The following LRMDA variants were observed in gnomAD, a reference collection of about 807,000 sequenced individuals.
LRMDA encodes the protein leucine rich melanocyte differentiation associated.
In LRMDA, 18 loss-of-function variants were observed where a neutral mutation model predicts 29.8. The observed-to-expected ratio is 0.60, with a 90% CI of 0.42 to 0.90. The LOEUF is 0.90. Ranked by LOEUF, LRMDA falls within the 40% of genes least tolerant of loss-of-function variation. The probability of loss-of-function intolerance (pLI) is 0.00; values close to 1 mark genes in which losing one functional copy is unlikely to be tolerated. For synonymous variants in LRMDA, 125 were observed against 109.4 expected, an observed-to-expected ratio of 1.14 and a Z score of -0.89; for missense variants, 273 against 273.9, an observed-to-expected ratio of 1.00 and a Z score of 0.02.
At chr10:75,459,456 C>T (rs1025414455) in intron 2 of LRMDA, among the ~76,000 whole-genome samples, 1 of 152,178 alleles carries the variant, frequency 6.6e-6, no homozygotes, top group Non-Finnish European at 1.5e-5. Flanking sequence ...TCAACTTCTC[C>T]TGGGATCCCC....
chr10:75,916,434 G>A (rs1373608072), intron 2 of LRMDA, among the ~76,000 whole-genome samples: 1 of 152,044 alleles, frequency 6.6e-6, no homozygotes, highest in African/African-American at 2.4e-5. Flanking sequence ...GGATGGGATG[G>A]CTATTTCCCA....
chr10:76,136,544 G>A (rs988916232), intron 5 of LRMDA, among the ~76,000 whole-genome samples: 2 of 151,948 alleles, frequency 1.3e-5, no homozygotes, highest in African/African-American at 4.8e-5. Context: ...ATTGAGTCTT[G>A]AGTTAGTAAG....
chr10:75,935,013 T>C (rs888900812), intron 2 of LRMDA, among the ~76,000 whole-genome samples: 1 of 152,108 alleles, frequency 6.6e-6, no homozygotes, highest in Non-Finnish European at 1.5e-5. Flanking sequence ...TCACTAGTGC[T>C]CCTGGTCCCT....
At chr10:75,519,204 A>G (rs1845328388) in intron 2 of LRMDA, among the ~76,000 whole-genome samples, 1 of 152,196 alleles carries the variant, frequency 6.6e-6, no homozygotes, top group Non-Finnish European at 1.5e-5. Context: ...AGAGTTCTGC[A>G]GATGTCTATT....
At chr10:76,460,573 T>C (rs1020229599) in intron 6 of LRMDA, among the ~76,000 whole-genome samples, 2 of 152,266 alleles carry the variant, frequency 1.3e-5, no homozygotes, top group African/African-American at 4.8e-5. Context: ...TATTTTTCTC[T>C]GACTAGACAG....
intron 2 of LRMDA, among the ~76,000 whole-genome samples, chr10:75,970,181 T>C (rs1846941294): frequency 6.6e-6 from 1 of 152,220 alleles, no homozygotes; most frequent in Non-Finnish European, 1.5e-5. Context: ...GGTAGTGTGA[T>C]TTGTGGAAAA....
At chr10:75,566,857 ACTTAT>A (rs1481044171) in intron 2 of LRMDA, among the ~76,000 whole-genome samples, 2 of 151,938 alleles carry the variant, frequency 1.3e-5, no homozygotes, top group Non-Finnish European at 2.9e-5. Flanking sequence ...ATCCAAACCA[ACTTAT>A]CTTTTCCTTT....
intron 6 of LRMDA, among the ~76,000 whole-genome samples, chr10:76,345,270 C>T (rs1213026878): frequency 6.7e-6 from 1 of 149,442 alleles, no homozygotes; most frequent in African/African-American, 2.4e-5. Flanking sequence ...GACGGGGTTT[C>T]ACCTTGTTAG....
intron 2 of LRMDA, among the ~76,000 whole-genome samples, chr10:75,809,125 G>T (rs1181956117): frequency 6.6e-6 from 1 of 152,070 alleles, no homozygotes; most frequent in Non-Finnish European, 1.5e-5. Context: ...TTCCCTGCAG[G>T]CTTCATAGCC....
At chr10:75,588,602 G>A (rs1840683828) in intron 2 of LRMDA, among the ~76,000 whole-genome samples, 1 of 152,138 alleles carries the variant, frequency 6.6e-6, no homozygotes, top group African/African-American at 2.4e-5. Context: ...CACTCTGTGA[G>A]TGGAGGTTTA....
intron 2 of LRMDA, among the ~76,000 whole-genome samples, chr10:75,788,779 AAAG>A (rs1013164539): frequency 1.3e-5 from 2 of 152,262 alleles, no homozygotes; most frequent in Non-Finnish European, 2.9e-5. Flanking sequence ...TCCTTTTACT[AAAG>A]AAGAAGGGAA....
intron 2 of LRMDA, among the ~76,000 whole-genome samples, chr10:75,789,602 C>A (rs1265295555): frequency 6.6e-6 from 1 of 152,146 alleles, no homozygotes; most frequent in African/African-American, 2.4e-5. Context: ...TATTTAAAAT[C>A]ATCTTTATGA....
intron 6 of LRMDA, among the ~76,000 whole-genome samples, chr10:76,431,972 C>T (rs1370470631): frequency 6.6e-6 from 1 of 152,132 alleles, no homozygotes; most frequent in Non-Finnish European, 1.5e-5. Context: ...TCCCCAGCCA[C>T]GTGAAACTGT....
intron 2 of LRMDA, among the ~76,000 whole-genome samples, chr10:75,640,804 A>G (rs190855672): frequency 2.0e-5 from 3 of 151,946 alleles, no homozygotes; most frequent in Non-Finnish European, 2.9e-5. Context: ...CAAAACAAAA[A>G]CCCTTCAAGT....
At chr10:76,103,910 G>T (rs909640320) in intron 5 of LRMDA, among the ~76,000 whole-genome samples, 5 of 152,026 alleles carry the variant, frequency 3.3e-5, no homozygotes, top group African/African-American at 1.2e-4. Context: ...TTAGCCAGGT[G>T]TGGTGGTGGG....
chr10:75,547,040 C>T (rs1193823122), intron 2 of LRMDA, among the ~76,000 whole-genome samples: 1 of 152,154 alleles, frequency 6.6e-6, no homozygotes, highest in Non-Finnish European at 1.5e-5. Flanking sequence ...GAGAACCCTG[C>T]TTAGCTGATA....
chr10:76,074,632 G>A (rs192941269), intron 5 of LRMDA, among the ~76,000 whole-genome samples: 37 of 152,228 alleles, frequency 2.4e-4, no homozygotes, highest in African/African-American at 6.5e-4. Context: ...CTGGGGGACC[G>A]TGCTCACTAA....
At chr10:76,235,934 G>T (rs555319585) in intron 5 of LRMDA, among the ~76,000 whole-genome samples, 1 of 152,326 alleles carries the variant, frequency 6.6e-6, no homozygotes, top group South Asian at 2.1e-4. Context: ...CGTGTGTGCA[G>T]TTCCTCAGAG....
intron 2 of LRMDA, among the ~76,000 whole-genome samples, chr10:75,647,309 T>C (rs903674072): frequency 1.3e-5 from 2 of 152,196 alleles, no homozygotes; most frequent in Non-Finnish European, 2.9e-5. Flanking sequence ...TCTTTGGCTG[T>C]GATGGAGGTA....
Sources: allele counts gnomAD v4.1 joint callset (sites outside exome capture counted in the v4.1 genomes callset), GRCh38; gene constraint gnomAD v4.1.1; transcripts MANE v1.5; gene names NCBI Gene and HGNC (gene_info 2026-07-23, HGNC 2026-07-21).